CTNNA3: variants seen among roughly 807,000 people sequenced by gnomAD.
CTNNA3 encodes catenin alpha-3.
A neutral mutation model predicts 95.7 loss-of-function variants in CTNNA3; 76 were observed. The ratio of observed to expected loss-of-function variants is 0.79; its 90% CI spans 0.66 to 0.96. The LOEUF (loss-of-function observed/expected upper bound fraction) is 0.96. Ranked by LOEUF, CTNNA3 falls within the 40% of genes least tolerant of loss-of-function variation. The pLI is 0.00. For missense variants in CTNNA3, 1,191 were observed against 1,089.8 expected, an observed-to-expected ratio of 1.09 and a Z score of -1.31; for synonymous variants, 431 against 374.4, an observed-to-expected ratio of 1.15 and a Z score of -1.74.
intron 9 of CTNNA3, among the ~76,000 whole-genome samples, chr10:66,745,482 A>G (rs1325015673): frequency 2.6e-5 from 4 of 151,728 alleles, no homozygotes; most frequent in Non-Finnish European, 4.4e-5. Flanking sequence ...CTGACAAAGG[A>G]TGTGCTCCAT....
intron 12 of CTNNA3, among the ~76,000 whole-genome samples, chr10:66,360,179 A>C (rs113209255): frequency 7.1e-6 from 1 of 141,146 alleles, no homozygotes; most frequent in Non-Finnish European, 1.6e-5. Flanking sequence ...CATTATATCT[A>C]TATATAAAAA....
rs573220014 is a variant in CTNNA3 at position 66,931,994 on chromosome 10, T to C, written c.1048-156470A>G. Among the ~76,000 whole-genome samples, 7 of 152,286 alleles carry C rather than the reference T, an allele frequency of 4.6e-5. 1 individual carries two copies. In the South Asian group the frequency reaches 1.2e-3, roughly 27 times the overall value. On this transcript the variant is annotated intron_variant, in intron 7 of 17. Transcript: ENST00000433211. ...AAAAGAGTCAGCATCAGTCATTTAC[T>C]GGTCAGGGATATGTCAAAGGTGTCA...
chr10:66,548,513 C>A (rs1313299713), intron 10 of CTNNA3, among the ~76,000 whole-genome samples: 1 of 151,848 alleles, frequency 6.6e-6, no homozygotes, highest in Admixed American at 6.6e-5. Flanking sequence ...TTTCCAATTC[C>A]AAAGGAAAGC....
chr10:66,092,473 G>T (rs750195493), intron 14 of CTNNA3, among the ~76,000 whole-genome samples: 1 of 151,820 alleles, frequency 6.6e-6, no homozygotes, highest in African/African-American at 2.4e-5. Flanking sequence ...TTCTATTACT[G>T]CTCACTTCAC....
At chr10:65,931,715 T>C (rs1483723500) in intron 17 of CTNNA3, among the ~76,000 whole-genome samples, 1 of 152,216 alleles carries the variant, frequency 6.6e-6, no homozygotes, top group African/African-American at 2.4e-5. Flanking sequence ...AAATCAGAAG[T>C]CTCTCTCTTC....
chr10:67,715,762 A>G (rs998841527), intron 1 of CTNNA3, among the ~76,000 whole-genome samples: 1 of 152,244 alleles, frequency 6.6e-6, no homozygotes, highest in African/African-American at 2.4e-5. Context: ...TTTTAGCCCC[A>G]TCAGATATGG....
intron 7 of CTNNA3, among the ~76,000 whole-genome samples, chr10:66,843,057 T>G (rs1217523777): frequency 3.9e-5 from 6 of 152,074 alleles, no homozygotes; most frequent in Admixed American, 3.9e-4. Context: ...CTCTCTCCCC[T>G]AGACAGAGAC....
chr10:66,582,939 T>A (rs895599583), intron 10 of CTNNA3, among the ~76,000 whole-genome samples: 20 of 151,930 alleles, frequency 1.3e-4, no homozygotes, highest in Admixed American at 8.5e-4. Flanking sequence ...ATGAATCACA[T>A]TTATTCCCTT....
intron 1 of CTNNA3, among the ~76,000 whole-genome samples, chr10:67,711,783 T>C (rs1375743061): frequency 7.2e-6 from 1 of 139,184 alleles, no homozygotes; most frequent in Non-Finnish European, 1.5e-5. Context: ...CCTTCCTGTG[T>C]CCATGTGATC....
At chr10:66,337,268 A>G (rs2092407543) in intron 12 of CTNNA3, among the ~76,000 whole-genome samples, 1 of 152,252 alleles carries the variant, frequency 6.6e-6, no homozygotes, top group East Asian at 1.9e-4. Flanking sequence ...AGTCTTCAAT[A>G]ATTTTTAAGA....
chr10:66,093,252 T>C (rs2081277490), intron 14 of CTNNA3, among the ~76,000 whole-genome samples: 1 of 151,980 alleles, frequency 6.6e-6, no homozygotes, highest in Non-Finnish European at 1.5e-5. Context: ...TAAATTCAAG[T>C]AAAGAACTTA....
At chr10:67,482,356 C>T (rs1219065120) in intron 5 of CTNNA3, among the ~76,000 whole-genome samples, 7 of 152,144 alleles carry the variant, frequency 4.6e-5, no homozygotes, top group Non-Finnish European at 8.8e-5. Context: ...GCCATTTTCA[C>T]GATATTGATT....
At chr10:66,003,268 C>A (rs2078805335) in intron 15 of CTNNA3, among the ~76,000 whole-genome samples, 1 of 151,866 alleles carries the variant, frequency 6.6e-6, no homozygotes, top group Non-Finnish European at 1.5e-5. Context: ...AGGAGATCAA[C>A]CTGGGAGAAT....
At chr10:67,189,912 T>A (rs2132170819) in intron 6 of CTNNA3, among the ~76,000 whole-genome samples, 1 of 152,250 alleles carries the variant, frequency 6.6e-6, no homozygotes, top group African/African-American at 2.4e-5. Context: ...CAAATATCAA[T>A]ATTTTAAAAT....
At chr10:67,584,303 G>T (rs946018508) in intron 3 of CTNNA3, among the ~76,000 whole-genome samples, 1 of 152,184 alleles carries the variant, frequency 6.6e-6, no homozygotes, top group Admixed American at 6.5e-5. Context: ...ACCCTCAGGT[G>T]CAGGTCTGTT....
chr10:66,732,554 T>A (rs1396154938), intron 9 of CTNNA3, among the ~76,000 whole-genome samples: 1 of 152,076 alleles, frequency 6.6e-6, no homozygotes, highest in Non-Finnish European at 1.5e-5. Context: ...AGGTCCTTCT[T>A]CACGTGGTGG....
chr10:66,203,753 T>G (rs2087582671), intron 13 of CTNNA3, among the ~76,000 whole-genome samples: 1 of 152,156 alleles, frequency 6.6e-6, no homozygotes, highest in Non-Finnish European at 1.5e-5. Context: ...CAAAATACTT[T>G]TATTATGTTT....
intron 6 of CTNNA3, among the ~76,000 whole-genome samples, chr10:67,208,445 C>T (rs1864003123): frequency 6.7e-6 from 1 of 150,276 alleles, no homozygotes; most frequent in African/African-American, 2.4e-5. Context: ...AATGGTATTG[C>T]AAAAATAAAA....
chr10:67,219,528 A>T (rs1379586649), intron 6 of CTNNA3, 79 bp downstream of exon 6: 1 of 1,448,896 alleles, frequency 6.9e-7, no homozygotes, highest in East Asian at 2.4e-5. Flanking sequence ...AAACGCCAAC[A>T]TGTGGATCTT....
Sources: allele counts gnomAD v4.1 joint callset (sites outside exome capture counted in the v4.1 genomes callset), GRCh38; gene constraint gnomAD v4.1.1; transcripts MANE v1.5; gene names NCBI Gene and HGNC (gene_info 2026-07-23, HGNC 2026-07-21).